SLC8A1: variants seen among roughly 807,000 people sequenced by gnomAD.
SLC8A1 encodes solute carrier family 8 member A1.
A neutral mutation model predicts 68.3 loss-of-function variants in SLC8A1; 18 were observed. That is an observed-to-expected ratio of 0.26 (90% CI 0.18 to 0.39). SLC8A1 has a LOEUF of 0.39. SLC8A1 is among the 10% of genes least tolerant of loss of function. The pLI is 1.00. For missense variants in SLC8A1, 985 were observed against 1,156.7 expected, an observed-to-expected ratio of 0.85 and a Z score of 2.15; for synonymous variants, 475 against 415.5, an observed-to-expected ratio of 1.14 and a Z score of -1.74.
chr2:40,500,644 A>G (rs1356410167), intron 1 of SLC8A1, among the ~76,000 whole-genome samples: 1 of 151,994 alleles, frequency 6.6e-6, no homozygotes. Flanking sequence ...TAGGGAAAAC[A>G]TATGTCTCCA....
chr2:40,339,561 G>A (rs200875021), intron 2 of SLC8A1, among the ~76,000 whole-genome samples: 9 of 152,308 alleles, frequency 5.9e-5, no homozygotes, highest in Middle Eastern at 6.8e-3. Context: ...GAAGTACAAA[G>A]TAAATAAGTA....
chr2:40,263,267 C>T (rs545175010), intron 2 of SLC8A1, among the ~76,000 whole-genome samples: 3 of 152,226 alleles, frequency 2.0e-5, no homozygotes, highest in South Asian at 2.1e-4. Context: ...GTTGTGAATA[C>T]AAAAATAATG....
At chr2:40,228,450 C>G (rs2148882115) in intron 2 of SLC8A1, among the ~76,000 whole-genome samples, 1 of 152,320 alleles carries the variant, frequency 6.6e-6, no homozygotes, top group Middle Eastern at 3.4e-3. Flanking sequence ...CAACTGGAGG[C>G]AGCTGCAGCT....
intron 1 of SLC8A1, among the ~76,000 whole-genome samples, chr2:40,437,741 A>G (rs1476487242): frequency 6.6e-6 from 1 of 152,170 alleles, no homozygotes; most frequent in African/African-American, 2.4e-5. Flanking sequence ...AACATCTTAA[A>G]TTTAAGCCAA....
intron 7 of SLC8A1, among the ~76,000 whole-genome samples, chr2:40,127,355 A>G (rs1351213041): frequency 6.6e-6 from 1 of 152,142 alleles, no homozygotes; most frequent in Non-Finnish European, 1.5e-5. Context: ...AGCACGTCCA[A>G]CCACTTCCAG....
chr2:40,234,833 C>A (rs1171590239), intron 2 of SLC8A1, among the ~76,000 whole-genome samples: 4 of 152,086 alleles, frequency 2.6e-5, no homozygotes, highest in African/African-American at 9.7e-5. Flanking sequence ...TTGTCAAAGG[C>A]TTTTTCTGCA....
At chr2:40,435,076 C>G (rs1699128668) in intron 1 of SLC8A1, among the ~76,000 whole-genome samples, 1 of 152,070 alleles carries the variant, frequency 6.6e-6, no homozygotes, top group African/African-American at 2.4e-5. Context: ...TCCTAACAGC[C>G]CAATATATTG....
intron 2 of SLC8A1, among the ~76,000 whole-genome samples, chr2:40,305,649 AAC>A (rs1418856765): frequency 2.0e-5 from 3 of 152,196 alleles, no homozygotes; most frequent in Non-Finnish European, 4.4e-5. Flanking sequence ...CACTTCCTAT[AAC>A]AGTTTACCTT....
At chr2:40,184,411 G>A (rs1420742712) in intron 2 of SLC8A1, among the ~76,000 whole-genome samples, 1 of 152,074 alleles carries the variant, frequency 6.6e-6, no homozygotes, top group African/African-American at 2.4e-5. Context: ...CTCTTTTCTG[G>A]ATTATAAAAT....
At chr2:40,330,725 G>A (rs991101286) in intron 2 of SLC8A1, among the ~76,000 whole-genome samples, 3 of 152,194 alleles carry the variant, frequency 2.0e-5, no homozygotes, top group Admixed American at 6.5e-5. Context: ...AGCTCATAAA[G>A]GAAAAATAAA....
At chr2:40,207,975 G>A (rs408263) in intron 2 of SLC8A1, among the ~76,000 whole-genome samples, 123,607 of 152,050 alleles carry the variant, frequency 0.81, 51,051 homozygotes, top group Middle Eastern at 0.88. Context: ...CTTAGGGTCC[G>A]TGAACCAGAC....
intron 2 of SLC8A1, among the ~76,000 whole-genome samples, chr2:40,392,948 T>G (rs899799254): frequency 6.6e-6 from 1 of 152,124 alleles, no homozygotes; most frequent in Admixed American, 6.6e-5. Flanking sequence ...GATTATAGTG[T>G]ACTAGTAAAT....
At chr2:40,116,829 C>A (rs1313862740) in intron 7 of SLC8A1, 1 of 152,154 alleles carries the variant, frequency 6.6e-6, no homozygotes, top group Non-Finnish European at 1.5e-5. Context: ...ATAGGAAAAT[C>A]TTGGTCCACT....
intron 1 of SLC8A1, among the ~76,000 whole-genome samples, chr2:40,435,131 T>A (rs557004502): frequency 1.3e-5 from 2 of 152,294 alleles, no homozygotes; most frequent in South Asian, 4.1e-4. Flanking sequence ...GCTGGGGTTA[T>A]TCCAAGGAAC....
At chr2:40,344,342 C>A (rs2149419892) in intron 2 of SLC8A1, among the ~76,000 whole-genome samples, 1 of 152,164 alleles carries the variant, frequency 6.6e-6, no homozygotes, top group African/African-American at 2.4e-5. Context: ...GGGTCTATGA[C>A]AATGTAGATG....
At chr2:40,231,170 G>T (rs779514910) in intron 2 of SLC8A1, among the ~76,000 whole-genome samples, 2 of 152,166 alleles carry the variant, frequency 1.3e-5, no homozygotes, top group African/African-American at 4.8e-5. Flanking sequence ...TACAAGAGAG[G>T]TGCTGGTTCT....
At chr2:40,293,777 T>C (rs1041256056) in intron 2 of SLC8A1, among the ~76,000 whole-genome samples, 3 of 152,172 alleles carry the variant, frequency 2.0e-5, no homozygotes, top group Admixed American at 6.6e-5. Context: ...CAGAGGCATA[T>C]AGATGGAATA....
At chr2:40,344,738 C>T (rs115948833) in intron 2 of SLC8A1, among the ~76,000 whole-genome samples, 1,599 of 152,216 alleles carry the variant, frequency 0.011, 28 homozygotes, top group African/African-American at 0.036. Context: ...ATGTTGAGGA[C>T]AGCCCTCCTA....
intron 2 of SLC8A1, among the ~76,000 whole-genome samples, chr2:40,191,232 A>G (rs1364391186): frequency 1.3e-5 from 2 of 152,186 alleles, no homozygotes; most frequent in African/African-American, 4.8e-5. Flanking sequence ...TACTCCTTGC[A>G]AGGTCCAGTG....
Sources: allele counts gnomAD v4.1 joint callset (sites outside exome capture counted in the v4.1 genomes callset), GRCh38; gene constraint gnomAD v4.1.1; transcripts MANE v1.5; gene names NCBI Gene and HGNC (gene_info 2026-07-23, HGNC 2026-07-21).